Variants in PRRX2 observed in about 807,000 individuals in gnomAD.
PRRX2 encodes paired mesoderm homeobox protein 2.
A neutral mutation model predicts 18.0 loss-of-function variants in PRRX2; 11 were observed. That is an observed-to-expected ratio of 0.61 (90% CI 0.39 to 1.01). The LOEUF (loss-of-function observed/expected upper bound fraction) is 1.01, where lower values mean the gene tolerates loss of function less well. Ranked by LOEUF, PRRX2 falls within the 50% of genes least tolerant of loss-of-function variation. The pLI is 0.01. For synonymous variants in PRRX2, 177 were observed against 154.8 expected (o/e 1.14, Z -1.06); for missense variants, 387 against 351.0 (o/e 1.10, Z -0.82).
At chr9:129,673,677 C>CACACACAG (rs1356789023) in intron 1 of PRRX2, among the ~76,000 whole-genome samples, 16 of 150,542 alleles carry the variant, frequency 1.1e-4, no homozygotes, top group African/African-American at 3.9e-4. Flanking sequence ...CACACACACA[C>CACACACAG]AGGCACACAC....
intron 1 of PRRX2, among the ~76,000 whole-genome samples, chr9:129,666,567 G>GCCC (rs563976736): frequency 4.5e-3 from 434 of 95,968 alleles, no homozygotes; most frequent in African/African-American, 0.016. Flanking sequence ...GAGGGTGCCT[G>GCCC]CCCACCCCCC....
At position 129,720,696 on chromosome 9, in the gene PRRX2, C is replaced by A. The variant is rs867383311; in HGVS notation, c.548C>A (p.Ala183Asp). 1.9e-6 allele frequency: 3 copies of A among 1,613,180 alleles called. No individual in the cohort carries two copies. Among genetic ancestry groups the A allele is most frequent in the Non-Finnish European group, 2.5e-6 (3 of 1,179,820 alleles). The change falls in exon 3 of 4, where the codon GCC (alanine) becomes GAC (aspartate). Residue 183 changes from alanine (A) to aspartate (D), a missense_variant. Physicochemically the swap from Ala to Asp is moderately radical, Grantham distance 126. Coordinates refer to ENST00000372469, the MANE Select transcript of PRRX2 (RefSeq NM_016307.4). ...SLLKSYSQEAAIEQPVAPRPT... is the reference protein window; with the variant it reads ...SLLKSYSQEADIEQPVAPRPT... ...CTCAAGTCCTACAGCCAGGAGGCCGCCATCGAGCAGCCCGTGGCTCCCCGG... is the reference window on the plus strand; with the variant it reads ...CTCAAGTCCTACAGCCAGGAGGCCGACATCGAGCAGCCCGTGGCTCCCCGG...
chr9:129,691,190 A>T (rs1832356624), intron 1 of PRRX2, among the ~76,000 whole-genome samples: 1 of 148,912 alleles, frequency 6.7e-6, no homozygotes, highest in African/African-American at 2.5e-5. Flanking sequence ...AAAAAAAATT[A>T]GACACGCGTC....
rs574732555 is a variant in PRRX2 at position 129,674,504 on chromosome 9, G to A, written c.259+8378G>A. On this transcript the variant is annotated intron_variant, in intron 1 of 3. Coordinates refer to ENST00000372469, the MANE Select transcript of PRRX2 (RefSeq NM_016307.4). ...TGTAGGATTGGGGACCGGGCAACAGGCTGTGGGCTGCAAAACTCGCAGTCT... is the reference window on the plus strand; with the variant it reads ...TGTAGGATTGGGGACCGGGCAACAGACTGTGGGCTGCAAAACTCGCAGTCT... 8.2e-4 allele frequency among the ~76,000 whole-genome samples: 125 copies of A among 152,290 alleles called. No individual in the cohort carries two copies. The Middle Eastern group carries it at 0.01, about 12-fold the overall frequency.
At chr9:129,684,482 TCACA>T (rs71385454) in intron 1 of PRRX2, among the ~76,000 whole-genome samples, 1,913 of 43,250 alleles carry the variant, frequency 0.044, 17 homozygotes, top group Non-Finnish European at 0.06. Context: ...ATACCAGAAA[TCACA>T]CACACACACA....
At chr9:129,699,312 T>G (rs1040453845) in intron 1 of PRRX2, among the ~76,000 whole-genome samples, 2 of 152,052 alleles carry the variant, frequency 1.3e-5, no homozygotes, top group Non-Finnish European at 2.9e-5. Flanking sequence ...TAATCCCAGT[T>G]GCTTGGGAGG....
intron 1 of PRRX2, among the ~76,000 whole-genome samples, chr9:129,674,009 G>C (rs1832134496): frequency 6.6e-6 from 1 of 152,156 alleles, no homozygotes; most frequent in Non-Finnish European, 1.5e-5. Flanking sequence ...GCCTGGAAGA[G>C]GCAGAGCTGG....
chr9:129,696,082 G>GAA (rs57374729), intron 1 of PRRX2, among the ~76,000 whole-genome samples: 202 of 145,606 alleles, frequency 1.4e-3, no homozygotes, highest in African/African-American at 4.6e-3. Context: ...GAAAGAAAAC[G>GAA]AAAAAAAAAA....
chr9:129,668,877 A>C (rs928675442), intron 1 of PRRX2, among the ~76,000 whole-genome samples: 1 of 150,902 alleles, frequency 6.6e-6, no homozygotes, highest in African/African-American at 2.4e-5. Flanking sequence ...AGCCAGGTGC[A>C]GTGGCTCACA....
At chr9:129,717,695 C>CAAAAAA (rs568330077) in intron 1 of PRRX2, among the ~76,000 whole-genome samples, 19 of 82,134 alleles carry the variant, frequency 2.3e-4, no homozygotes, top group South Asian at 4.4e-4. Context: ...GACTCCGCCT[C>CAAAAAA]AAAAAAAAAA....
At chr9:129,696,787 G>A (rs1319950116) in intron 1 of PRRX2, among the ~76,000 whole-genome samples, 1 of 151,482 alleles carries the variant, frequency 6.6e-6, no homozygotes, top group Non-Finnish European at 1.5e-5. Flanking sequence ...AAGGGATCAA[G>A]GTTGCAGGTG....
At chr9:129,719,510 G>A (rs1045379485) in intron 2 of PRRX2, 92 bp downstream of exon 2, 1 of 1,365,306 alleles carries the variant, frequency 7.3e-7, no homozygotes, top group East Asian at 2.8e-5. Flanking sequence ...CCCAGGAGGG[G>A]TGTTTGAGCA....
intron 1 of PRRX2, among the ~76,000 whole-genome samples, chr9:129,698,992 G>A (rs1040401990): frequency 2.6e-5 from 4 of 152,222 alleles, no homozygotes; most frequent in African/African-American, 9.7e-5. Context: ...TCCCTCCCAG[G>A]GCATGCTGGA....
chr9:129,696,992 C>A (rs543943424), intron 1 of PRRX2, among the ~76,000 whole-genome samples: 1 of 152,362 alleles, frequency 6.6e-6, no homozygotes, highest in African/African-American at 2.4e-5. Context: ...TGACCTCCCT[C>A]CCTAGTCTCG....
rs762929485 is a variant in PRRX2, at chr9:129,715,750, T to TCTCTCTCTCACACACACACACACACACA, written c.260-3480_260-3479insTCTCTCTCACACACACACACACACACAC. ...AAACCCAGCTTCAGGGACATCTTTC[T>TCTCTCTCTCACACACACACACACACACA]CACACACACACACACACACACACAC... On this transcript the variant is annotated intron_variant, in intron 1 of 3. Transcript: ENST00000372469. This position sits in a 1 kb window ranked among gnomAD's most constrained non-coding sequence, Gnocchi z 4.0. Among the ~76,000 whole-genome samples, 1 of 138,862 alleles carries TCTCTCTCTCACACACACACACACACACA rather than the reference T, an allele frequency of 7.2e-6. No homozygotes were observed. The highest frequency in any genetic ancestry group is 2.7e-5 in the African/African-American group (1 of 36,808). 91.1% of individuals were successfully genotyped at this position (138,862 alleles called of 152,430 possible).
chr9:129,697,276 G>A (rs1328333061), intron 1 of PRRX2, among the ~76,000 whole-genome samples: 1 of 152,152 alleles, frequency 6.6e-6, no homozygotes, highest in African/African-American at 2.4e-5. Context: ...CTGGAAGGAA[G>A]GCGAGGAGGG....
chr9:129,720,190 GCCTCTCCCCGCGAGTGCTCAGCAAGCC>G (rs1832770946), intron 2 of PRRX2, among the ~76,000 whole-genome samples: 9 of 143,488 alleles, frequency 6.3e-5, no homozygotes, highest in South Asian at 2.3e-4. Flanking sequence ...CTCAGCAAGC[GCCTCTCCCCGCGAGTGCTCAGCAAGCC>G]CCTCTCCCCG....
intron 1 of PRRX2, among the ~76,000 whole-genome samples, chr9:129,681,651 G>A (rs1414867394): frequency 1.3e-5 from 2 of 152,146 alleles, no homozygotes; most frequent in Non-Finnish European, 2.9e-5. Flanking sequence ...GCCTCCATCC[G>A]GTGCCCCCTC....
chr9:129,704,831 G>A lies in PRRX2; in HGVS notation c.260-14400G>A, dbSNP rs1276556993. Among the ~76,000 whole-genome samples the A allele has an allele frequency of 2.0e-5, 3 of 152,150 alleles. No individual in the cohort carries two copies. In the East Asian group the frequency reaches 5.8e-4, roughly 29 times the overall value. ...ACACGAAGTCAACATCTTTGTGCCT[G>A]GGCCCCAGCCCTCACCCCAAGTTCC... On this transcript the variant is annotated intron_variant, in intron 1 of 3. Transcript: ENST00000372469.
Sources: allele counts gnomAD v4.1 joint callset (sites outside exome capture counted in the v4.1 genomes callset), GRCh38; gene constraint gnomAD v4.1.1; non-coding constraint Gnocchi (gnomAD v3.1); transcripts MANE v1.5; gene names NCBI Gene and HGNC (gene_info 2026-07-23, HGNC 2026-07-21).